Variants in ZNF142 observed in about 807,000 individuals in gnomAD.
ZNF142 encodes the protein zinc finger protein 142.
In ZNF142, 96 loss-of-function variants were observed where a neutral mutation model predicts 132.1. That is an observed-to-expected ratio of 0.73 (90% confidence interval 0.62 to 0.86). The LOEUF (loss-of-function observed/expected upper bound fraction) is 0.86. Ranked by LOEUF, ZNF142 falls within the 40% of genes least tolerant of loss-of-function variation. ZNF142 has a pLI of 0.00. For missense variants in ZNF142, 2,163 were observed against 2,336.2 expected (o/e 0.93, Z 1.53); for synonymous variants, 842 against 890.1 (o/e 0.95, Z 0.96).
At chr2:218,657,105 ACCTTG>A (rs1255943097) in intron 3 of ZNF142, among the ~76,000 whole-genome samples, 2 of 152,116 alleles carry the variant, frequency 1.3e-5, no homozygotes, top group Non-Finnish European at 2.9e-5. Flanking sequence ...GGCGTGAGCC[ACCTTG>A]CCTGGTCCCT....
At chr2:218,640,605 G>T in intron 10 of ZNF142, 59 bp downstream of exon 10, 7 of 1,517,034 alleles carry the variant, frequency 4.6e-6, no homozygotes, top group Non-Finnish European at 6.4e-6. Context: ...CCTTGGTAAG[G>T]TTAGGTTTGC....
chr2:218,651,553 T>C (rs1937997095), intron 5 of ZNF142, 148 bp downstream of exon 5: 2 of 885,586 alleles, frequency 2.3e-6, no homozygotes, highest in Non-Finnish European at 3.0e-6. Context: ...TGCCTTCCCA[T>C]GTCATCCAGT....
rs199711899 is a variant in ZNF142 at position 218,643,505 on chromosome 2, A to G, written c.3611T>C (p.Val1204Ala). ...GGGTGAGGAGTTTCCTGCAGGAGGGACTGGGTCAAGGTGGTGCTTCTTAGG... is the reference window on the plus strand; with the variant it reads ...GGGTGAGGAGTTTCCTGCAGGAGGGGCTGGGTCAAGGTGGTGCTTCTTAGG... The part of the protein sequence containing the change: ...EAPKKHHLDP[V>A]PPAGNSSPTE... Residue 1204 changes from valine to alanine, a missense_variant, in exon 9 of 11, where the codon GTC becomes GCC. Coordinates refer to ENST00000411696, the MANE Select transcript of ZNF142 (RefSeq NM_001379659.1). The G allele has an allele frequency of 4.8e-5, 78 of 1,611,876 alleles. No individual in the cohort carries two copies. In the East Asian group the frequency reaches 1.7e-3, roughly 34 times the overall value.
intron 5 of ZNF142, 115 bp from the exon 6 acceptor site, chr2:218,650,641 G>T: frequency 9.4e-7 from 1 of 1,062,460 alleles, no homozygotes; most frequent in Non-Finnish European, 1.3e-6. Context: ...AGCATAAGGA[G>T]ATCTTGGGTT....
At position 218,644,124 on chromosome 2, in the gene ZNF142, G is replaced by A; in HGVS notation, c.2992C>T (p.Pro998Ser). 5 of 1,614,100 alleles carry A rather than the reference G, an allele frequency of 3.1e-6. No individual in the cohort carries two copies. Among genetic ancestry groups the A allele is most frequent in the Non-Finnish European group, 3.4e-6 (4 of 1,180,010 alleles). Reference sequence around the variant, plus strand: ...GCCTTGAGTAATGACTCTGACTCAGGTAATGGGGGCAAGGGTGCTGTCTCA... The same window carrying A: ...GCCTTGAGTAATGACTCTGACTCAGATAATGGGGGCAAGGGTGCTGTCTCA... ...PAETAPLPPL[P>S]ESESLLKALR... Residue 998 changes from proline (P) to serine (S), a missense_variant, in exon 9 of 11, where the codon CCT (proline) becomes TCT (serine). This residue lies in a region of ZNF142 where 809 missense variants were observed against 801.7 expected (regional missense o/e 1.01). Transcript: ENST00000411696. The surrounding 1 kb of genome is among the most constrained non-coding windows in gnomAD (Gnocchi z 4.6).
rs1696829461 is a variant in ZNF142, at chr2:218,637,518, C to T, written c.*821G>A. Among the ~76,000 whole-genome samples the T allele has an allele frequency of 1.3e-5, 2 of 152,236 alleles. No homozygotes were observed. Among genetic ancestry groups the T allele is most frequent in the African/African-American group, 4.8e-5 (2 of 41,460 alleles). On this transcript the variant is annotated 3_prime_UTR_variant, in exon 11 of 11. Coordinates refer to ENST00000411696, the MANE Select transcript of ZNF142 (RefSeq NM_001379659.1). The stretch of plus-strand genomic sequence containing the variant: ...TATAGTAAGGCACTACAGAATTATA[C>T]TGTGAAGCAGTTATAGAATTCTGAA...
chr2:218,635,967 G>C lies in ZNF142; in HGVS notation c.*2372C>G. 6.2e-7 allele frequency: 1 copy of C among 1,613,554 alleles called. No homozygotes were observed. The highest frequency in any genetic ancestry group is 8.5e-7 in the Non-Finnish European group (1 of 1,179,570). On this transcript the variant is annotated 3_prime_UTR_variant, in exon 11 of 11. Coordinates refer to ENST00000411696, the MANE Select transcript of ZNF142 (RefSeq NM_001379659.1). Reference sequence around the variant, plus strand: ...GGCAGTGCTGGGGAGGTGGGGGTAGGAGCATGATTAGTTTTCCTTCTAGTC... The same window carrying C: ...GGCAGTGCTGGGGAGGTGGGGGTAGCAGCATGATTAGTTTTCCTTCTAGTC...
rs907174808 is a variant in ZNF142, at chr2:218,644,549, A to G, written c.2567T>C (p.Leu856Pro). 2 of 1,614,050 alleles carry G rather than the reference A, an allele frequency of 1.2e-6. No homozygotes were observed. The highest frequency in any genetic ancestry group is 1.7e-6 in the Non-Finnish European group (2 of 1,180,020). The change falls in exon 9 of 11, where the codon CTG becomes CCG. Residue 856 changes from leucine (L) to proline (P), a missense_variant. By Grantham distance (98) the Leu-to-Pro change is moderately conservative. Around this residue, in one of 7 missense-constraint regions of ZNF142, gnomAD observed 749 missense variants for 830.3 expected, o/e 0.90. Coordinates refer to ENST00000411696, the MANE Select transcript of ZNF142 (RefSeq NM_001379659.1). The surrounding 1 kb of genome is among the most constrained non-coding windows in gnomAD (Gnocchi z 4.6). ...TVVDPSLDQA[L>P]PEMSEEVNTG... ...GTTGACCTCCTCACTCATCTCTGGC[A>G]GGGCCTGGTCCAAGCTGGGGTCCAC...
chr2:218,651,560 C>T, intron 5 of ZNF142, 141 bp downstream of exon 5: 1 of 949,110 alleles, frequency 1.1e-6, no homozygotes, highest in Non-Finnish European at 1.4e-6. Flanking sequence ...CCATGTCATC[C>T]AGTAACTCCA....
rs1696581987 is a variant in ZNF142, at chr2:218,634,313, A to G, written c.*4026T>C. 4.5e-6 allele frequency: 7 copies of G among 1,572,608 alleles called. No individual in the cohort carries two copies. The Admixed American group carries it at 1.1e-4, about 26-fold the overall frequency. On this transcript the variant is annotated 3_prime_UTR_variant, in exon 11 of 11. Transcript: ENST00000411696. This position sits in a 1 kb window ranked among gnomAD's most constrained non-coding sequence, Gnocchi z 4.0. ...TGATGGTAGGGTTGGGGAATGCTCA[A>G]GAAAATTGCTAGGCTGAGAAATGCT... is the stretch of plus-strand genomic sequence containing the variant.
At chr2:218,648,612 T>C in intron 7 of ZNF142, 23 bp downstream of exon 7, 1 of 1,599,058 alleles carries the variant, frequency 6.3e-7, no homozygotes, top group Non-Finnish European at 8.6e-7. Flanking sequence ...ACAACATTAT[T>C]TTAAGGATGG....
At chr2:218,641,062 G>A (rs1282447893) in intron 9 of ZNF142, among the ~76,000 whole-genome samples, 1 of 151,436 alleles carries the variant, frequency 6.6e-6, no homozygotes, top group Admixed American at 6.6e-5. Context: ...AGCCTCCCAA[G>A]TAGCTGGGAA....
In ZNF142 at chr2:218,642,887, G is replaced by A; in HGVS notation, c.4229C>T (p.Thr1410Ile). ...GTGAGCCTCTAACCGGTACCGTCTG[G>A]TGGTCGAAAAGTCACAGAAGGGGCA... ...HQCPFCDFST[T>I]RRYRLEAHQS... The change falls in exon 9 of 11, where the codon ACC becomes ATC. Residue 1410 changes from threonine to isoleucine, a missense_variant. Physicochemically the swap from Thr to Ile is moderately conservative, Grantham distance 89. Coordinates refer to ENST00000411696, the MANE Select transcript of ZNF142 (RefSeq NM_001379659.1). The surrounding 1 kb of genome is among the most constrained non-coding windows in gnomAD (Gnocchi z 4.6). The A allele has an allele frequency of 6.2e-7, 1 of 1,614,150 alleles. No individual in the cohort carries two copies. Among genetic ancestry groups the A allele is most frequent in the Non-Finnish European group, 8.5e-7 (1 of 1,180,042 alleles).
Position 218,642,836 on chromosome 2 carries a change from C to T in ZNF142, c.4280G>A (p.Arg1427His), listed in dbSNP as rs778416781. 1.4e-5 allele frequency: 22 copies of T among 1,614,016 alleles called. No homozygotes were observed. The highest frequency in any genetic ancestry group is 2.7e-5 in the African/African-American group (2 of 74,926). Residue 1427 changes from arginine to histidine, a missense_variant, in exon 9 of 11, where the codon CGC becomes CAC. By Grantham distance (29) the Arg-to-His change is conservative (BLOSUM62 0). This residue lies in a region of ZNF142 where 809 missense variants were observed against 801.7 expected (regional missense o/e 1.01). Coordinates refer to ENST00000411696, the MANE Select transcript of ZNF142 (RefSeq NM_001379659.1). The surrounding 1 kb of genome is among the most constrained non-coding windows in gnomAD (Gnocchi z 4.6). Reference protein sequence around the residue: ...AHQSRHTGIGRIPCSSCPQTF... With the variant: ...AHQSRHTGIGHIPCSSCPQTF... ...CTGGGGGCAAGAGCTGCAGGGGATGCGGCCAATGCCTGTGTGTCGGGACTG... is the reference window on the plus strand; with the variant it reads ...CTGGGGGCAAGAGCTGCAGGGGATGTGGCCAATGCCTGTGTGTCGGGACTG...
At position 218,645,007 on chromosome 2, in the gene ZNF142, G is replaced by A. The variant is rs925707545; in HGVS notation, c.2109C>T (p.His703=). The A allele has an allele frequency of 1.2e-6, 2 of 1,613,874 alleles. No individual in the cohort carries two copies. The highest frequency in any genetic ancestry group is 8.5e-7 in the Non-Finnish European group (1 of 1,179,944). The change falls in exon 9 of 11, where the codon CAC becomes CAT. Residue 703 remains histidine, a synonymous_variant. Transcript: ENST00000411696. ...RCHRADQLSS[H]KLRHQGKSLM... ...GAGACTTGCCCTGATGCCGCAGCTT[G>A]TGGCTGCTCAGCTGATCAGCCCGGT...
chr2:218,648,988 A>T lies in ZNF142; in HGVS notation c.1520T>A (p.Leu507Gln), dbSNP rs1937709977. 1 of 1,612,168 alleles carries T rather than the reference A, an allele frequency of 6.2e-7. No individual in the cohort carries two copies. The highest frequency in any genetic ancestry group is 1.3e-5 in the African/African-American group (1 of 74,958). The change falls in exon 7 of 11, where the codon CTG (leucine) becomes CAG (glutamine). Residue 507 changes from leucine to glutamine, a missense_variant. Around this residue, in one of 7 missense-constraint regions of ZNF142, gnomAD observed 749 missense variants for 830.3 expected, o/e 0.90. Coordinates refer to ENST00000411696, the MANE Select transcript of ZNF142 (RefSeq NM_001379659.1). ...AGCCCGCACCCCATGGGTCTCCTTCAGGTGCTTAATGAAGGCCTTGCGGTC... is the reference window on the plus strand; with the variant it reads ...AGCCCGCACCCCATGGGTCTCCTTCTGGTGCTTAATGAAGGCCTTGCGGTC... ...APDRKAFIKH[L>Q]KETHGVRAVE...
chr2:218,653,255 G>T, intron 4 of ZNF142, among the ~76,000 whole-genome samples: 1 of 90,994 alleles, frequency 1.1e-5, no homozygotes, highest in Non-Finnish European at 2.2e-5. Flanking sequence ...CTCCAGCCTG[G>T]CCAAGAGAGA....
rs180767136 is a variant in ZNF142 at position 218,638,781 on chromosome 2, C to T, written c.5222G>A (p.Cys1741Tyr). The change falls in exon 11 of 11, where the codon TGT (cysteine) becomes TAT (tyrosine). Residue 1741 changes from cysteine (C) to tyrosine (Y), a missense_variant. Around this residue, in one of 7 missense-constraint regions of ZNF142, gnomAD observed 325 missense variants for 367.8 expected, o/e 0.88. Transcript: ENST00000411696. ...TGLKPYQCPE[C>Y]EYCTNRADAL... The stretch of plus-strand genomic sequence containing the variant: ...ATCAGCCCGGTTGGTGCAGTACTCA[C>T]ACTCGGGACACTGGTATGGCTTCAG... 6.2e-7 allele frequency: 1 copy of T among 1,604,642 alleles called. No individual in the cohort carries two copies. The highest frequency in any genetic ancestry group is 1.7e-5 in the Admixed American group (1 of 59,940).
intron 7 of ZNF142, among the ~76,000 whole-genome samples, chr2:218,647,353 G>A (rs1287661971): frequency 1.4e-5 from 2 of 138,644 alleles, no homozygotes; most frequent in African/African-American, 5.2e-5. Context: ...AACCCAGGAG[G>A]TGGAGCTTGC....
Sources: allele counts gnomAD v4.1 joint callset (sites outside exome capture counted in the v4.1 genomes callset), GRCh38; gene constraint gnomAD v4.1.1; regional missense constraint gnomAD v4.1.1; non-coding constraint Gnocchi (gnomAD v3.1); transcripts MANE v1.5; gene names NCBI Gene and HGNC (gene_info 2026-07-23, HGNC 2026-07-21).